Variants in AARS1 observed in about 807,000 individuals in gnomAD.
AARS1 encodes the protein alanine--tRNA ligase, cytoplasmic.
Under a neutral mutation model 108.9 loss-of-function variants are expected in AARS1, and 72 were observed. The ratio of observed to expected loss-of-function variants is 0.66; its 90% CI spans 0.55 to 0.80. The LOEUF is 0.80. AARS1 is among the 30% of genes least tolerant of loss of function. AARS1 has a pLI of 0.00. For synonymous variants in AARS1, 489 were observed against 465.7 expected, an observed-to-expected ratio of 1.05 and a Z score of -0.64; for missense variants, 1,193 against 1,233.2, an observed-to-expected ratio of 0.97 and a Z score of 0.49.
At chr16:70,265,423 T>C in intron 10 of AARS1, 115 bp downstream of exon 10, 4 of 1,505,930 alleles carry the variant, frequency 2.7e-6, no homozygotes, top group Middle Eastern at 4.6e-4. Context: ...ACCACTGATC[T>C]AGGGGAAAAA....
Position 70,252,713 on chromosome 16 carries a change from T to C in AARS1, c.*8A>G. 1 of 1,613,792 alleles carries C rather than the reference T, an allele frequency of 6.2e-7. No homozygotes were observed. The highest frequency in any genetic ancestry group is 8.5e-7 in the Non-Finnish European group (1 of 1,179,864). ...GATGGATCCAGTGGGAGCCTCCTCC[T>C]TCCCCACTCAGTTCTTTACATCCCC... On this transcript the variant is annotated 3_prime_UTR_variant, in exon 21 of 21. Transcript: ENST00000261772.
Position 70,275,353 on chromosome 16 carries a change from T to C in AARS1, c.479+1133A>G, listed in dbSNP as rs535265741. On this transcript the variant is annotated intron_variant, in intron 4 of 20. Coordinates refer to ENST00000261772, the MANE Select transcript of AARS1 (RefSeq NM_001605.3). ...GATATGGGCCAGGCGTGGTGACTCA[T>C]GCCTGTAATCCCAGCACTTTGGGAG... 1.2e-3 allele frequency among the ~76,000 whole-genome samples: 184 copies of C among 151,056 alleles called. 2 individuals carry two copies. Among genetic ancestry groups the C allele is most frequent in the Middle Eastern group, 3.5e-3 (1 of 286 alleles).
intron 1 of AARS1, among the ~76,000 whole-genome samples, chr16:70,286,362 A>ATTTT (rs1000406265): frequency 1.6e-4 from 19 of 117,084 alleles, no homozygotes; most frequent in African/African-American, 3.8e-4. Flanking sequence ...CTCCACAGGA[A>ATTTT]TTTTTTTTTT....
At chr16:70,255,652 G>A in intron 16 of AARS1, 76 bp downstream of exon 16, 1 of 1,315,234 alleles carries the variant, frequency 7.6e-7, no homozygotes. Flanking sequence ...GCAGAGCAGT[G>A]TTTGCTCTAT....
chr16:70,273,258 C>T (rs1469673104), intron 4 of AARS1, among the ~76,000 whole-genome samples: 2 of 152,138 alleles, frequency 1.3e-5, no homozygotes, highest in Admixed American at 1.3e-4. Flanking sequence ...ATGAGGCAAA[C>T]ACATCATGGA....
intron 1 of AARS1, among the ~76,000 whole-genome samples, chr16:70,285,144 G>A (rs1045001873): frequency 6.6e-6 from 1 of 151,556 alleles, no homozygotes; most frequent in Non-Finnish European, 1.5e-5. Context: ...TGGGAGAATC[G>A]CTTGAACCTG....
intron 4 of AARS1, 159 bp downstream of exon 4, chr16:70,276,327 T>TG: frequency 1.3e-6 from 1 of 778,046 alleles, no homozygotes; most frequent in Non-Finnish European, 2.1e-6. Flanking sequence ...CTCCACCTCC[T>TG]GGGTTCAAGC....
intron 4 of AARS1, among the ~76,000 whole-genome samples, chr16:70,275,457 AT>A (rs1960517830): frequency 6.6e-6 from 1 of 150,692 alleles, no homozygotes; most frequent in African/African-American, 2.4e-5. Flanking sequence ...CTACTAAAAA[AT>A]ATATATATAT....
chr16:70,276,070 C>G (rs1960542437), intron 4 of AARS1: 1 of 153,148 alleles, frequency 6.5e-6, no homozygotes. Flanking sequence ...CAAAAGTTAG[C>G]TGGGCATGGT....
rs79022911 is a variant in AARS1 at position 70,278,658 on chromosome 16, T to C, written c.145-1504A>G. Among the ~76,000 whole-genome samples the C allele has an allele frequency of 8.3e-3, 1,270 of 152,096 alleles. 4 individuals are homozygous for C. Among genetic ancestry groups the C allele is most frequent in the Non-Finnish European group, 0.012 (831 of 67,998 alleles). Reference sequence around the variant, plus strand: ...ATAATCACACGACTGACGGCTGCCATGTTGAGGAGAACATTTCTGTCACTG... The same window carrying C: ...ATAATCACACGACTGACGGCTGCCACGTTGAGGAGAACATTTCTGTCACTG... On this transcript the variant is annotated intron_variant, in intron 2 of 20. Transcript: ENST00000261772.
chr16:70,253,966 C>T lies in AARS1; in HGVS notation c.2473G>A (p.Val825Ile). 1.2e-6 allele frequency: 2 copies of T among 1,614,178 alleles called. No individual in the cohort carries two copies. The highest frequency in any genetic ancestry group is 1.7e-6 in the Non-Finnish European group (2 of 1,180,048). The change falls in exon 18 of 21, where the codon GTC becomes ATC. Residue 825 changes from valine (V) to isoleucine (I), a missense_variant. Physicochemically the swap from Val to Ile is conservative, Grantham distance 29. Transcript: ENST00000261772. ...CTGGCTCGGTCCAAGTCATCCATGA[C>T]CTTCTTTAGGGATTTGAGAGTCTCC... is the stretch of plus-strand genomic sequence containing the variant. ...LRETLKSLKK[V>I]MDDLDRASKA...
chr16:70,265,672 A>C lies in AARS1; in HGVS notation c.1223-10T>G. On this transcript the variant is annotated splice_polypyrimidine_tract_variant and intron_variant, in intron 9 of 20. Coordinates refer to ENST00000261772, the MANE Select transcript of AARS1 (RefSeq NM_001605.3). ...AGCCAAGCAGTGTCTCCTACACAGC[A>C]CAAAGGAGGTGTGTCAAAAAAAACA... 1 of 1,612,988 alleles carries C rather than the reference A, an allele frequency of 6.2e-7. No individual in the cohort carries two copies. The highest frequency in any genetic ancestry group is 8.5e-7 in the Non-Finnish European group (1 of 1,179,392).
At chr16:70,262,899 C>T (rs1184099925) in intron 11 of AARS1, among the ~76,000 whole-genome samples, 1 of 125,718 alleles carries the variant, frequency 8.0e-6, no homozygotes, top group Non-Finnish European at 1.6e-5. Flanking sequence ...ACCCAGGAGG[C>T]GGAGCTTGCA....
Position 70,271,783 on chromosome 16 carries a change from G to C in AARS1, c.669C>G (p.Asn223Lys). The C allele has an allele frequency of 1.9e-6, 3 of 1,613,910 alleles. No homozygotes were observed. Among genetic ancestry groups the C allele is most frequent in the Non-Finnish European group, 2.5e-6 (3 of 1,179,836 alleles). ...ATGGAGTAGGAACCCAAGGCTACCT[G>C]TTATACTGGATGAACACAAGGTTCC... ...EIWNLVFIQY[N>K]READGILKPL... The change falls in exon 5 of 21, where the codon AAC becomes AAG. Residue 223 changes from asparagine to lysine, a missense_variant and splice_region_variant. Transcript: ENST00000261772.
At chr16:70,279,426 G>C (rs1003983496) in intron 2 of AARS1, among the ~76,000 whole-genome samples, 3 of 149,606 alleles carry the variant, frequency 2.0e-5, no homozygotes, top group Middle Eastern at 3.5e-3. Context: ...TTGGGAGGCC[G>C]AGATGTGCGG....
At chr16:70,273,757 G>T (rs1016674233) in intron 4 of AARS1, among the ~76,000 whole-genome samples, 18 of 151,120 alleles carry the variant, frequency 1.2e-4, no homozygotes, top group Non-Finnish European at 2.1e-4. Flanking sequence ...CAGCTACTCA[G>T]GAGGCTGAGG....
At chr16:70,279,716 G>A (rs1358208230) in intron 2 of AARS1, among the ~76,000 whole-genome samples, 1 of 151,174 alleles carries the variant, frequency 6.6e-6, no homozygotes, top group Admixed American at 6.6e-5. Flanking sequence ...GTACTCCCTG[G>A]TTCTTGTTCA....
intron 11 of AARS1, 74 bp downstream of exon 11, chr16:70,264,884 T>C: frequency 6.3e-7 from 1 of 1,595,042 alleles, no homozygotes; most frequent in Non-Finnish European, 8.6e-7. Context: ...GAGCTAATCT[T>C]GAGAAACAAT....
intron 4 of AARS1, among the ~76,000 whole-genome samples, chr16:70,274,329 G>A (rs373521003): frequency 8.6e-5 from 13 of 151,074 alleles, no homozygotes; most frequent in African/African-American, 2.9e-4. Flanking sequence ...CAACAAGAGC[G>A]AAACTCCATC....
Sources: allele counts gnomAD v4.1 joint callset (sites outside exome capture counted in the v4.1 genomes callset), GRCh38; gene constraint gnomAD v4.1.1; transcripts MANE v1.5; gene names NCBI Gene and HGNC (gene_info 2026-07-23, HGNC 2026-07-21).